Variants in S100A8 observed in about 807,000 individuals in gnomAD.
S100A8 encodes the protein protein S100-A8.
In S100A8, 1 loss-of-function variant was observed where a neutral mutation model predicts 4.2. The observed-to-expected ratio is 0.24, with a 90% CI of 0.08 to 1.12. The LOEUF (loss-of-function observed/expected upper bound fraction) is 1.12, where lower values mean the gene tolerates loss of function less well. S100A8 is among the 50% of genes most tolerant of loss of function. S100A8 has a pLI of 0.53. For synonymous variants in S100A8, 41 were observed against 44.7 expected, an observed-to-expected ratio of 0.92 and a Z score of 0.33; for missense variants, 96 against 111.8, an observed-to-expected ratio of 0.86 and a Z score of 0.64.
the S100A8 span, chr1:153,420,226 G>C: frequency 6.6e-6 from 1 of 152,246 alleles, no homozygotes; most frequent in Admixed American, 6.5e-5. Context: ...GTCTACTCCA[G>C]GCCAGGCAGT....
chr1:153,397,235 C>A, the S100A8 span, among the ~76,000 whole-genome samples: 1 of 152,224 alleles, frequency 6.6e-6, no homozygotes, highest in South Asian at 2.1e-4. Context: ...ACCTGGCCCT[C>A]GAGTCTGCAT....
chr1:153,418,275 G>C, the S100A8 span: 2 of 1,609,502 alleles, frequency 1.2e-6, no homozygotes, highest in Non-Finnish European at 1.7e-6. Context: ...CATGGCTGAG[G>C]ATACATTTTG....
At chr1:153,401,050 C>T in the S100A8 span, among the ~76,000 whole-genome samples, 4 of 152,208 alleles carry the variant, frequency 2.6e-5, no homozygotes, top group African/African-American at 9.7e-5. Context: ...AAACAGCCCC[C>T]TACGCCATGC....
At chr1:153,399,581 A>G in the S100A8 span, among the ~76,000 whole-genome samples, 1 of 152,044 alleles carries the variant, frequency 6.6e-6, no homozygotes, top group South Asian at 2.1e-4. Context: ...TTGAGTACCT[A>G]CAGTGTGCCA....
At chr1:153,393,219 C>G (rs1662141738), upstream of S100A8, among the ~76,000 whole-genome samples, 1 of 152,168 alleles carries the variant, frequency 6.6e-6, no homozygotes, top group Non-Finnish European at 1.5e-5. Context: ...ATCATCTGCT[C>G]CAAGTCCATC....
chr1:153,418,618 A>G, the S100A8 span, among the ~76,000 whole-genome samples: 3 of 152,206 alleles, frequency 2.0e-5, no homozygotes, highest in African/African-American at 7.2e-5. Context: ...GTAGAAATCA[A>G]TAGCCCTCTT....
chr1:153,402,439 G>A, the S100A8 span, among the ~76,000 whole-genome samples: 1 of 152,286 alleles, frequency 6.6e-6, no homozygotes, highest in Admixed American at 6.5e-5. Context: ...CCCATGGTTA[G>A]AGGAAAGAGC....
At chr1:153,410,993 G>A in the S100A8 span, among the ~76,000 whole-genome samples, 3 of 152,130 alleles carry the variant, frequency 2.0e-5, no homozygotes, top group African/African-American at 7.2e-5. Flanking sequence ...AATAATAAGA[G>A]CTATTTATGA....
chr1:153,415,843 C>A, the S100A8 span, among the ~76,000 whole-genome samples: 7 of 152,192 alleles, frequency 4.6e-5, no homozygotes, highest in Non-Finnish European at 1.0e-4. Flanking sequence ...CTGCTTCCCT[C>A]CCTGGACTTT....
the S100A8 span, among the ~76,000 whole-genome samples, chr1:153,401,693 G>A: frequency 7.9e-5 from 12 of 152,104 alleles, no homozygotes; most frequent in East Asian, 3.9e-4. Flanking sequence ...CGCTTCGGCC[G>A]CACCCAGGGT....
At chr1:153,403,833 C>T in the S100A8 span, among the ~76,000 whole-genome samples, 9 of 152,134 alleles carry the variant, frequency 5.9e-5, no homozygotes, top group Non-Finnish European at 1.0e-4. Context: ...ACTCTGAACA[C>T]CATCGGGGTA....
At position 153,390,411 on chromosome 1, in the gene S100A8, C is replaced by T. The variant is rs763436258; in HGVS notation, c.125G>A (p.Cys42Tyr). 1 of 1,614,138 alleles carries T rather than the reference C, an allele frequency of 6.2e-7. No homozygotes were observed. The highest frequency in any genetic ancestry group is 8.5e-7 in the Non-Finnish European group (1 of 1,180,004). ...DDLKKLLETE[C>Y]PQYIRKKGAD... ...CCTCCTCACCCTGATATACTGAGGA[C>T]ACTCGGTCTCTAGCAATTTCTTCAG... The change falls in exon 2 of 3, where the codon TGT (cysteine) becomes TAT (tyrosine). Residue 42 changes from cysteine (C) to tyrosine (Y), a missense_variant. Coordinates refer to ENST00000368733, the MANE Select transcript of S100A8 (RefSeq NM_002964.5).
chr1:153,406,676 C>T, the S100A8 span, among the ~76,000 whole-genome samples: 88 of 152,338 alleles, frequency 5.8e-4, no homozygotes, highest in African/African-American at 2.0e-3. Context: ...CTACTTCAGG[C>T]TGGGGAGAGG....
upstream of S100A8, among the ~76,000 whole-genome samples, chr1:153,393,284 T>C (rs147616315): frequency 6.6e-6 from 1 of 152,196 alleles, no homozygotes; most frequent in Non-Finnish European, 1.5e-5. Flanking sequence ...CTCTCCTCCA[T>C]GCTACCCAAA....
chr1:153,404,802 A>G, the S100A8 span, among the ~76,000 whole-genome samples: 1 of 151,448 alleles, frequency 6.6e-6, no homozygotes, highest in Non-Finnish European at 1.5e-5. Context: ...TCTTTTTTTA[A>G]CAGGTGCAAG....
At chr1:153,391,944 G>C (rs1417855435), upstream of S100A8, among the ~76,000 whole-genome samples, 2 of 152,148 alleles carry the variant, frequency 1.3e-5, no homozygotes, top group Non-Finnish European at 2.9e-5. Context: ...ATGCCTAAGA[G>C]GAGAAGAGGA....
the S100A8 span, among the ~76,000 whole-genome samples, chr1:153,401,063 A>C: frequency 6.6e-6 from 1 of 152,192 alleles, no homozygotes; most frequent in African/African-American, 2.4e-5. Context: ...CGCCATGCCA[A>C]TACCCAGTGA....
At chr1:153,416,161 G>T in the S100A8 span, among the ~76,000 whole-genome samples, 1 of 152,162 alleles carries the variant, frequency 6.6e-6, no homozygotes, top group African/African-American at 2.4e-5. Flanking sequence ...GGAAGTACTG[G>T]GGGAGGGAAT....
the S100A8 span, among the ~76,000 whole-genome samples, chr1:153,411,822 A>T: frequency 6.6e-6 from 1 of 152,220 alleles, no homozygotes; most frequent in Non-Finnish European, 1.5e-5. Context: ...CTCAGAAATA[A>T]TACCACACAA....
Sources: allele counts gnomAD v4.1 joint callset (sites outside exome capture counted in the v4.1 genomes callset), GRCh38; gene constraint gnomAD v4.1.1; transcripts MANE v1.5; gene names NCBI Gene and HGNC (gene_info 2026-07-23, HGNC 2026-07-21).